Variants in PPP1CB observed in about 807,000 individuals in gnomAD.
PPP1CB encodes serine/threonine-protein phosphatase PP1-beta catalytic subunit.
A neutral mutation model predicts 43.7 loss-of-function variants in PPP1CB; 2 were observed. The observed-to-expected ratio is 0.05, with a 90% CI of 0.02 to 0.14. The LOEUF is 0.14. Among genes scored for constraint, PPP1CB ranks in the 10% least tolerant of loss-of-function variants. The probability of loss-of-function intolerance (pLI) is 1.00; values close to 1 mark genes in which losing one functional copy is unlikely to be tolerated. For missense variants in PPP1CB, 84 were observed against 398.0 expected (o/e 0.21, Z 6.71); for synonymous variants, 136 against 135.6 (o/e 1.00, Z -0.02).
chr2:28,769,446 G>C (rs1666852933), intron 1 of PPP1CB, among the ~76,000 whole-genome samples: 2 of 152,184 alleles, frequency 1.3e-5, no homozygotes, highest in Non-Finnish European at 2.9e-5. Context: ...ATCTTGGTCA[G>C]GCTGGTCTAG....
intron 1 of PPP1CB, among the ~76,000 whole-genome samples, chr2:28,772,412 T>G (rs1315652917): frequency 6.6e-6 from 1 of 152,136 alleles, no homozygotes; most frequent in Non-Finnish European, 1.5e-5. Flanking sequence ...ATACTGATAA[T>G]TTGCAGTATC....
chr2:28,770,915 C>T (rs1009731741), intron 1 of PPP1CB, among the ~76,000 whole-genome samples: 20 of 152,002 alleles, frequency 1.3e-4, no homozygotes, highest in Admixed American at 3.9e-4. Context: ...TGAAAGACTG[C>T]CATACTAGAG....
rs555922293 is a variant in PPP1CB, at chr2:28,760,729, C to T, written c.52+8553C>T. 3.3e-5 allele frequency among the ~76,000 whole-genome samples: 5 copies of T among 152,286 alleles called. No individual in the cohort carries two copies. In the South Asian group the frequency reaches 1.0e-3, roughly 32 times the overall value. ...GTTAGGTATATTGGGTGTTACATAG[C>T]TTTCACTAATGTCATATCTAGCAGT... On this transcript the variant is annotated intron_variant, in intron 1 of 7. Transcript: ENST00000395366.
chr2:28,765,281 T>C (rs1666754408), intron 1 of PPP1CB, among the ~76,000 whole-genome samples: 1 of 152,242 alleles, frequency 6.6e-6, no homozygotes, highest in South Asian at 2.1e-4. Context: ...TGGTCATCTC[T>C]TGATGCTGAT....
chr2:28,770,098 A>G (rs776586348), intron 1 of PPP1CB, among the ~76,000 whole-genome samples: 9 of 152,040 alleles, frequency 5.9e-5, no homozygotes, highest in South Asian at 2.1e-4. Context: ...GTGAAACCCT[A>G]TCTCTACTAA....
In PPP1CB at chr2:28,802,668, T is replaced by C. The variant is rs534600033; in HGVS notation, c.*3365T>C. 3 of 152,354 alleles carry C rather than the reference T, an allele frequency of 2.0e-5. No individual in the cohort carries two copies. The highest frequency in any genetic ancestry group is 7.2e-5 in the African/African-American group (3 of 41,584). The allele number at this position is 152,354 out of a possible 1,614,324, so 9.4% of individuals were successfully genotyped here. A position where few individuals can be genotyped will look rare whatever the true frequency, so the allele number is the denominator to read the frequency against. ...TTATAATGTTTCTTAAAAGTGAAAC[T>C]TAGATACAATTGTGATTGGATACTT... On this transcript the variant is annotated 3_prime_UTR_variant, in exon 8 of 8. Coordinates refer to ENST00000395366, the MANE Select transcript of PPP1CB (RefSeq NM_002709.3).
At chr2:28,775,154 AGTGCAGTGGCAC>A (rs1328208121) in intron 1 of PPP1CB, among the ~76,000 whole-genome samples, 1 of 152,030 alleles carries the variant, frequency 6.6e-6, no homozygotes, top group Non-Finnish European at 1.5e-5. Flanking sequence ...CCCAGGCTGG[AGTGCAGTGGCAC>A]GATCTCAGCT....
Position 28,784,117 on chromosome 2 carries a change from C to T in PPP1CB, c.592+139C>T, listed in dbSNP as rs112229504. The T allele has an allele frequency of 5.2e-3, 3,005 of 573,856 alleles. 67 individuals carry two copies. The highest frequency in any genetic ancestry group is 0.048 in the African/African-American group (2,596 of 53,764). The allele number at this position is 573,856 out of a possible 1,614,324, so 35.5% of individuals were successfully genotyped here. On this transcript the variant is annotated intron_variant, in intron 5 of 7. Transcript: ENST00000395366. ...TAGTCAATAAGCCAGCTACAGATTACTTTATTTGCAGTAATACACAATTTT... is the reference window on the plus strand; with the variant it reads ...TAGTCAATAAGCCAGCTACAGATTATTTTATTTGCAGTAATACACAATTTT...
rs70956040 is a variant in PPP1CB, at chr2:28,786,774, C to CAA, written c.593-1864_593-1863dup. ...TGGGTAACAGAGCGAGACTCCGTCT[C>CAA]AAAAAAAAAAAAAAAAAAAAAGAAA... On this transcript the variant is annotated intron_variant, in intron 5 of 7. Transcript: ENST00000395366. Among the ~76,000 whole-genome samples the CAA allele has an allele frequency of 6.6e-4, 63 of 94,864 alleles. 1 individual carries two copies. Among genetic ancestry groups the CAA allele is most frequent in the African/African-American group, 2.0e-3 (49 of 24,614 alleles). The allele number at this position is 94,864 out of a possible 152,430, so 62.2% of individuals were successfully genotyped here. A position where few individuals can be genotyped will look rare whatever the true frequency, so the allele number is the denominator to read the frequency against.
In PPP1CB at chr2:28,751,988, CG is replaced by C. The variant is rs1666298983; in HGVS notation, c.-134del. The C allele has an allele frequency of 2.5e-6, 2 of 785,310 alleles. No homozygotes were observed. The highest frequency in any genetic ancestry group is 4.2e-6 in the Non-Finnish European group (2 of 474,390). 48.6% of individuals were successfully genotyped at this position (785,310 alleles called of 1,614,324 possible). On this transcript the variant is annotated 5_prime_UTR_variant, in exon 1 of 8. Coordinates refer to ENST00000395366, the MANE Select transcript of PPP1CB (RefSeq NM_002709.3). ...GCGGGGAGGGGGTGGGGGGAGGGCCCGGGAAAAGGGGGAGTTGGAGCCGGGG... is the reference window on the plus strand; with the variant it reads ...GCGGGGAGGGGGTGGGGGGAGGGCCCGGAAAAGGGGGAGTTGGAGCCGGGG...
chr2:28,768,103 T>G (rs866988899), intron 1 of PPP1CB, among the ~76,000 whole-genome samples: 6 of 152,338 alleles, frequency 3.9e-5, no homozygotes, highest in Middle Eastern at 6.8e-3. Context: ...TCACATTTTG[T>G]GTGCCTCTCG....
Position 28,781,764 on chromosome 2 carries a change from TGGA to T in PPP1CB, c.443_445del (p.Trp148_Lys149delinsTer). 6.2e-7 allele frequency: 1 copy of T among 1,606,314 alleles called. No individual in the cohort carries two copies. Among genetic ancestry groups the T allele is most frequent in the Non-Finnish European group, 8.5e-7 (1 of 1,177,364 alleles). On this transcript the variant is annotated stop_gained and inframe_deletion, in exon 4 of 8. Coordinates refer to ENST00000395366, the MANE Select transcript of PPP1CB (RefSeq NM_002709.3). LOFTEE classifies it high-confidence loss of function. ...CAAACGAAGATTTAATATTAAATTG[TGGA>T]AGACCTTCACTGATTGTTTTAACTG...
chr2:28,760,603 G>A (rs1260161678), intron 1 of PPP1CB, among the ~76,000 whole-genome samples: 1 of 152,154 alleles, frequency 6.6e-6, no homozygotes, highest in Admixed American at 6.5e-5. Context: ...GGTAAATGAT[G>A]CATAACTGGA....
At chr2:28,790,916 A>G (rs1405994808) in intron 6 of PPP1CB, among the ~76,000 whole-genome samples, 1 of 152,192 alleles carries the variant, frequency 6.6e-6, no homozygotes, top group East Asian at 1.9e-4. Flanking sequence ...TTATAAAAAC[A>G]TTTATACAGT....
intron 1 of PPP1CB, among the ~76,000 whole-genome samples, 191 bp downstream of exon 1, chr2:28,752,367 G>T (rs1048236154): frequency 6.6e-6 from 1 of 152,162 alleles, no homozygotes; most frequent in African/African-American, 2.4e-5. Flanking sequence ...CTCTGGGAGC[G>T]CGGTCAGGGG....
At chr2:28,769,078 A>G (rs1242711029) in intron 1 of PPP1CB, among the ~76,000 whole-genome samples, 2 of 152,240 alleles carry the variant, frequency 1.3e-5, no homozygotes, top group African/African-American at 4.8e-5. Flanking sequence ...ATCCAAGAGA[A>G]AGAGAAAATG....
chr2:28,784,613 T>G (rs1667221487), intron 5 of PPP1CB, among the ~76,000 whole-genome samples: 1 of 151,960 alleles, frequency 6.6e-6, no homozygotes, highest in South Asian at 2.1e-4. Flanking sequence ...TTGTGAAAAT[T>G]ACATTGGAAA....
chr2:28,793,774 C>G (rs1040491757), intron 6 of PPP1CB, 89 bp from the exon 7 acceptor site: 5 of 1,429,102 alleles, frequency 3.5e-6, no homozygotes, highest in Non-Finnish European at 3.8e-6. Context: ...AGGTGGGGCA[C>G]AGTCTTTGCC....
intron 7 of PPP1CB, among the ~76,000 whole-genome samples, chr2:28,794,881 T>G (rs10177676): frequency 0.97 from 147,122 of 152,138 alleles, 71,352 homozygotes; most frequent in Middle Eastern, 1. Context: ...GGTTCAGGGG[T>G]TACATGTGCA....
Sources: allele counts gnomAD v4.1 joint callset (sites outside exome capture counted in the v4.1 genomes callset), GRCh38; gene constraint gnomAD v4.1.1; transcripts MANE v1.5; gene names NCBI Gene and HGNC (gene_info 2026-07-23, HGNC 2026-07-21).